The following COL5A2 variants were observed in gnomAD, a reference collection of about 807,000 sequenced individuals.
COL5A2 encodes collagen type V alpha 2 chain, also known as collagen alpha-2(V) chain.
Under a neutral mutation model 208.2 loss-of-function variants are expected in COL5A2, and 23 were observed. The ratio of observed to expected loss-of-function variants is 0.11; its 90% CI spans 0.08 to 0.16. COL5A2 has a LOEUF of 0.16. COL5A2 is among the 10% of genes least tolerant of loss of function. COL5A2 has a pLI of 1.00. For missense variants in COL5A2, 1,590 were observed against 1,956.4 expected, an observed-to-expected ratio of 0.81 and a Z score of 3.53; for synonymous variants, 625 against 628.5, an observed-to-expected ratio of 0.99 and a Z score of 0.08.
At chr2:189,189,894 G>T (rs12999996) in intron 1 of COL5A2, among the ~76,000 whole-genome samples, 88,754 of 151,864 alleles carry the variant, frequency 0.58, 27,309 homozygotes, top group East Asian at 0.72. Context: ...TGATTATACC[G>T]CTTAGAAATC....
chr2:189,122,885 G>T (rs1432640389), intron 1 of COL5A2, among the ~76,000 whole-genome samples: 1 of 152,206 alleles, frequency 6.6e-6, no homozygotes, highest in Non-Finnish European at 1.5e-5. Context: ...AGAAACAGTA[G>T]TTATGAGAAC....
chr2:189,085,058 G>A, intron 11 of COL5A2, 102 bp downstream of exon 11: 1 of 924,188 alleles, frequency 1.1e-6, no homozygotes, highest in Non-Finnish European at 1.7e-6. Flanking sequence ...AAGCTAAAAG[G>A]GTGGGGAAAT....
the COL5A2 span, among the ~76,000 whole-genome samples, chr2:189,275,005 G>T: frequency 1.3e-5 from 2 of 151,632 alleles, no homozygotes; most frequent in East Asian, 3.9e-4. Flanking sequence ...TCCACTTTTT[G>T]CTCTGCTTGG....
chr2:189,312,044 T>C, the COL5A2 span: 1 of 757,474 alleles, frequency 1.3e-6, no homozygotes, highest in Non-Finnish European at 2.4e-6. Context: ...CATACTTGAC[T>C]CTGAAGTCAT....
At chr2:189,255,946 T>G in the COL5A2 span, among the ~76,000 whole-genome samples, 1 of 152,118 alleles carries the variant, frequency 6.6e-6, no homozygotes, top group Non-Finnish European at 1.5e-5. Context: ...CATCATAGCT[T>G]AAAAGTACAA....
At chr2:189,102,743 T>C (rs977544112) in intron 3 of COL5A2, among the ~76,000 whole-genome samples, 5 of 152,064 alleles carry the variant, frequency 3.3e-5, no homozygotes, top group Admixed American at 2.0e-4. Flanking sequence ...TATGTTGGAG[T>C]TAACATGAAT....
chr2:189,122,296 A>C (rs1687517664), intron 1 of COL5A2, among the ~76,000 whole-genome samples: 1 of 152,204 alleles, frequency 6.6e-6, no homozygotes, highest in Admixed American at 6.6e-5. Flanking sequence ...AAGGGTGAGT[A>C]GAAGTGGGTT....
chr2:189,429,010 G>T, the COL5A2 span, among the ~76,000 whole-genome samples: 2 of 152,120 alleles, frequency 1.3e-5, no homozygotes, highest in African/African-American at 4.8e-5. Flanking sequence ...TTACAATCAG[G>T]CCGGAAGAAT....
chr2:189,082,005 A>C (rs945340169), intron 12 of COL5A2, among the ~76,000 whole-genome samples: 1 of 152,186 alleles, frequency 6.6e-6, no homozygotes, highest in Non-Finnish European at 1.5e-5. Context: ...ATTGATTATT[A>C]TTCTTAATTT....
chr2:189,285,301 C>T, the COL5A2 span, among the ~76,000 whole-genome samples: 1 of 151,920 alleles, frequency 6.6e-6, no homozygotes, highest in Non-Finnish European at 1.5e-5. Context: ...CCCCAAGGCT[C>T]GACAAATCAC....
At chr2:189,086,380 T>A (rs1686662930) in intron 9 of COL5A2, among the ~76,000 whole-genome samples, 1 of 152,218 alleles carries the variant, frequency 6.6e-6, no homozygotes. Context: ...GATTGCCTCC[T>A]ATGATCTGAT....
At position 189,088,703 on chromosome 2, in the gene COL5A2, C is replaced by T; in HGVS notation, c.637G>A (p.Gly213Ser). 6.2e-7 allele frequency: 1 copy of T among 1,613,464 alleles called. No homozygotes were observed. The highest frequency in any genetic ancestry group is 8.5e-7 in the Non-Finnish European group (1 of 1,179,478). ...GLGSQVGLMP[G>S]SVGPVGPRGP... ...GTAAAATTTATGCTTACCACAGAGC[C>T]AGGCATTAGTCCTACTTGACTCCCA... The change falls in exon 8 of 54, where the codon GGC (glycine) becomes AGC (serine). Residue 213 changes from glycine (G) to serine (S), a missense_variant. Gly to Ser is a moderately conservative substitution (Grantham distance 56). Transcript: ENST00000374866.
the COL5A2 span, among the ~76,000 whole-genome samples, chr2:189,252,627 G>T: frequency 6.6e-6 from 1 of 152,034 alleles, no homozygotes; most frequent in Non-Finnish European, 1.5e-5. Flanking sequence ...TGGGGGGAGT[G>T]GGGAGGGATA....
At chr2:189,404,750 T>C in the COL5A2 span, among the ~76,000 whole-genome samples, 3 of 152,238 alleles carry the variant, frequency 2.0e-5, no homozygotes, top group South Asian at 6.2e-4. Flanking sequence ...GAGAAAATTA[T>C]ACAGGACTCA....
intron 1 of COL5A2, among the ~76,000 whole-genome samples, chr2:189,113,149 G>C (rs1239331609): frequency 6.6e-6 from 1 of 152,148 alleles, no homozygotes; most frequent in African/African-American, 2.4e-5. Context: ...AGCATATGTG[G>C]CTGGGTGTAG....
chr2:189,275,067 G>A, the COL5A2 span, among the ~76,000 whole-genome samples: 4 of 152,140 alleles, frequency 2.6e-5, no homozygotes, highest in African/African-American at 9.6e-5. Context: ...AGCTCTTCGA[G>A]GATTTTAGTT....
intron 1 of COL5A2, among the ~76,000 whole-genome samples, chr2:189,203,198 C>T (rs915123352): frequency 6.6e-6 from 1 of 152,150 alleles, no homozygotes; most frequent in Admixed American, 6.5e-5. Context: ...TTATTTGCAC[C>T]CTCCCAAATC....
intron 34 of COL5A2, 105 bp from the exon 35 acceptor site, chr2:189,057,131 AT>A (rs1685915748): frequency 7.6e-7 from 1 of 1,321,254 alleles, no homozygotes; most frequent in African/African-American, 1.4e-5. Context: ...TCCTAGTCGT[AT>A]CCAGGTGAGC....
At chr2:189,067,206 A>T (rs1269901377) in intron 21 of COL5A2, among the ~76,000 whole-genome samples, 1 of 152,164 alleles carries the variant, frequency 6.6e-6, no homozygotes, top group Non-Finnish European at 1.5e-5. Context: ...TGCCGTATTT[A>T]TTGAGAATTT....
Sources: allele counts gnomAD v4.1 joint callset (sites outside exome capture counted in the v4.1 genomes callset), GRCh38; gene constraint gnomAD v4.1.1; transcripts MANE v1.5; gene names NCBI Gene and HGNC (gene_info 2026-07-23, HGNC 2026-07-21).